The following FBLN1 variants were observed in gnomAD, a reference collection of about 807,000 sequenced individuals.
FBLN1 encodes the protein fibulin-1.
FBLN1 carries 34 observed loss-of-function variants against 89.7 expected under a neutral mutation model. That is an observed-to-expected ratio of 0.38 (90% confidence interval 0.29 to 0.50). The LOEUF (loss-of-function observed/expected upper bound fraction) is 0.50. Ranked by LOEUF, FBLN1 falls within the 20% of genes least tolerant of loss-of-function variation. FBLN1 has a pLI of 0.92. For synonymous variants in FBLN1, 393 were observed against 391.3 expected (o/e 1.00, Z -0.05); for missense variants, 777 against 988.1 (o/e 0.79, Z 2.86).
intron 2 of FBLN1, among the ~76,000 whole-genome samples, chr22:45,524,847 G>C (rs1048790495): frequency 6.6e-6 from 1 of 152,150 alleles, no homozygotes; most frequent in African/African-American, 2.4e-5. Context: ...CACTTCGGGA[G>C]GCTGAGGCGG....
Position 45,590,704 on chromosome 22 carries a change from G to C in FBLN1, c.1973-9603G>C, listed in dbSNP as rs146730221. On this transcript the variant is annotated intron_variant, in intron 16 of 16. Transcript: ENST00000327858. The surrounding 1 kb of genome is among the most constrained non-coding windows in gnomAD (Gnocchi z 4.1). The stretch of plus-strand genomic sequence containing the variant: ...GAGAGTCTGGAGACCTTTAGGAATA[G>C]AATCCATTGGCCTCAGTGATGGTTT... Among the ~76,000 whole-genome samples the C allele has an allele frequency of 5.4e-3, 822 of 152,278 alleles. 7 individuals carry two copies. The highest frequency in any genetic ancestry group is 0.019 in the African/African-American group (780 of 41,562).
rs376122438 is a variant in FBLN1 at position 45,548,605 on chromosome 22, C to T, written c.1442-8C>T. The T allele has an allele frequency of 2.5e-5, 41 of 1,613,502 alleles. No individual in the cohort carries two copies. The highest frequency in any genetic ancestry group is 1.4e-4 in the South Asian group (13 of 91,078). On this transcript the variant is annotated splice_polypyrimidine_tract_variant and splice_region_variant and intron_variant, in intron 12 of 16. Transcript: ENST00000327858. ...ACACTGAGGCTGAGGTGGGCTTTGCCGTTGCAGACATCGACGAGTGCGCCC... is the reference window on the plus strand; with the variant it reads ...ACACTGAGGCTGAGGTGGGCTTTGCTGTTGCAGACATCGACGAGTGCGCCC...
chr22:45,560,168 A>C (rs11913172), intron 14 of FBLN1, among the ~76,000 whole-genome samples: 10,889 of 152,168 alleles, frequency 0.072, 1,316 homozygotes, highest in African/African-American at 0.25. Flanking sequence ...CAGAAGCTAC[A>C]CCCACCTTGC....
Position 45,502,916 on chromosome 22 carries a change from C to G in FBLN1, c.-70C>G. The G allele has an allele frequency of 1.6e-6, 1 of 612,172 alleles. No individual in the cohort carries two copies. Among genetic ancestry groups the G allele is most frequent in the Non-Finnish European group, 2.1e-6 (1 of 481,048 alleles). 37.9% of individuals were successfully genotyped at this position (612,172 alleles called of 1,614,324 possible). On this transcript the variant is annotated 5_prime_UTR_variant, in exon 1 of 17. Transcript: ENST00000327858. ...CCGAGGCTCGGCCGGAGCGTGGAGC[C>G]CGCGCCGCTGCCCCAGGACCGCGCC...
chr22:45,513,148 T>C (rs1488184021), intron 1 of FBLN1, among the ~76,000 whole-genome samples: 2 of 152,202 alleles, frequency 1.3e-5, no homozygotes, highest in Non-Finnish European at 2.9e-5. Flanking sequence ...ACAACATTGA[T>C]TGAAGAAGGC....
At chr22:45,515,029 C>T (rs2088150788) in intron 1 of FBLN1, among the ~76,000 whole-genome samples, 1 of 152,208 alleles carries the variant, frequency 6.6e-6, no homozygotes, top group Non-Finnish European at 1.5e-5. Flanking sequence ...TGACGCTTTT[C>T]AGCTTCCTCT....
intron 14 of FBLN1, among the ~76,000 whole-genome samples, chr22:45,560,228 T>A (rs764164807): frequency 9.2e-5 from 14 of 152,234 alleles, no homozygotes; most frequent in Non-Finnish European, 1.8e-4. Context: ...CAGGATCCAA[T>A]TATTTCCATT....
chr22:45,585,930 C>G (rs966294778), intron 16 of FBLN1, among the ~76,000 whole-genome samples: 1 of 152,176 alleles, frequency 6.6e-6, no homozygotes. Context: ...CCCAATTCCC[C>G]AGATACCAAA....
intron 1 of FBLN1, among the ~76,000 whole-genome samples, chr22:45,518,264 G>A (rs1388063893): frequency 1.3e-5 from 2 of 152,032 alleles, no homozygotes; most frequent in Non-Finnish European, 2.9e-5. Flanking sequence ...TGACCTGCTG[G>A]GCTGGGCTGG....
At chr22:45,521,519 G>C (rs1270467211) in intron 2 of FBLN1, among the ~76,000 whole-genome samples, 3 of 152,228 alleles carry the variant, frequency 2.0e-5, no homozygotes, top group African/African-American at 4.8e-5. Flanking sequence ...TGTGGCCCCA[G>C]GTGCTGTCCG....
chr22:45,554,804 A>G (rs967241825), intron 14 of FBLN1, among the ~76,000 whole-genome samples: 1 of 152,220 alleles, frequency 6.6e-6, no homozygotes, highest in Non-Finnish European at 1.5e-5. Flanking sequence ...CCTTCAGAGT[A>G]TGATGGGCCA....
chr22:45,552,883 C>CG (rs2088722979), intron 14 of FBLN1, among the ~76,000 whole-genome samples: 1 of 104 alleles, frequency 9.6e-3, no homozygotes, highest in South Asian at 0.25. Flanking sequence ...TGTCCCACAG[C>CG]CTTCATGGGG....
At chr22:45,503,104 C>G (rs776345556) in intron 1 of FBLN1, 40 bp downstream of exon 1, 1 of 1,220,188 alleles carries the variant, frequency 8.2e-7, no homozygotes, top group Non-Finnish European at 1.0e-6. Context: ...CTTAGGGTCC[C>G]GACCCCCTCG....
intron 3 of FBLN1, among the ~76,000 whole-genome samples, chr22:45,525,913 G>T (rs1462384889): frequency 6.6e-6 from 1 of 152,344 alleles, no homozygotes; most frequent in South Asian, 2.1e-4. Context: ...CGAGGCCGGG[G>T]GGTGAAGTGA....
At chr22:45,569,444 G>C (rs1487059763) in intron 14 of FBLN1, among the ~76,000 whole-genome samples, 1 of 152,110 alleles carries the variant, frequency 6.6e-6, no homozygotes, top group East Asian at 1.9e-4. Flanking sequence ...TTCGAGACCA[G>C]CCTGGTCCAC....
At chr22:45,568,502 G>C (rs1281977810) in intron 14 of FBLN1, among the ~76,000 whole-genome samples, 4 of 143,136 alleles carry the variant, frequency 2.8e-5, no homozygotes, top group African/African-American at 5.1e-5. Flanking sequence ...TTCTGTAGGG[G>C]AGTGCTCCTT....
At chr22:45,596,476 A>G (rs1301225529) in intron 16 of FBLN1, among the ~76,000 whole-genome samples, 1 of 152,146 alleles carries the variant, frequency 6.6e-6, no homozygotes, top group Non-Finnish European at 1.5e-5. Flanking sequence ...GGAACTGTTG[A>G]TAATATTAAT....
chr22:45,578,410 G>A lies in FBLN1; in HGVS notation c.1972+1302G>A, dbSNP rs1468424197. ...CGCTAGCTGGCAGCAGGAATAATTA[G>A]TTAATTACAATTAATGGTGCATTAG... On this transcript the variant is annotated intron_variant, in intron 16 of 16. Transcript: ENST00000327858. This position sits in a 1 kb window ranked among gnomAD's most constrained non-coding sequence, Gnocchi z 4.6. 3 of 152,232 alleles carry A rather than the reference G, an allele frequency of 2.0e-5. No individual in the cohort carries two copies. The highest frequency in any genetic ancestry group is 4.4e-5 in the Non-Finnish European group (3 of 68,040). The allele number at this position is 152,232 out of a possible 1,614,324, so 9.4% of individuals were successfully genotyped here.
intron 8 of FBLN1, among the ~76,000 whole-genome samples, chr22:45,539,502 G>A (rs136752): frequency 6.6e-6 from 1 of 151,836 alleles, no homozygotes; most frequent in African/African-American, 2.4e-5. Context: ...CCCAGCCTCT[G>A]CCTTTCTTCT....
Sources: allele counts gnomAD v4.1 joint callset (sites outside exome capture counted in the v4.1 genomes callset), GRCh38; gene constraint gnomAD v4.1.1; non-coding constraint Gnocchi (gnomAD v3.1); transcripts MANE v1.5; gene names NCBI Gene and HGNC (gene_info 2026-07-23, HGNC 2026-07-21).